The following SORCS1 variants were observed in gnomAD, a reference collection of about 807,000 sequenced individuals.
The protein encoded by SORCS1 is sortilin related VPS10 domain containing receptor 1, also known as VPS10 domain-containing receptor SorCS1.
A neutral mutation model predicts 146.1 loss-of-function variants in SORCS1; 60 were observed. The ratio of observed to expected loss-of-function variants is 0.41; its 90% CI spans 0.33 to 0.51. SORCS1 has a LOEUF of 0.51. Among genes scored for constraint, SORCS1 ranks in the 20% least tolerant of loss-of-function variants. The probability of loss-of-function intolerance (pLI) is 0.21; values close to 1 mark genes in which losing one functional copy is unlikely to be tolerated. For missense variants in SORCS1, 1,352 were observed against 1,487.6 expected, an observed-to-expected ratio of 0.91 and a Z score of 1.50; for synonymous variants, 637 against 584.0, an observed-to-expected ratio of 1.09 and a Z score of -1.31.
At chr10:107,164,997 C>T (rs1970002654), upstream of SORCS1, among the ~76,000 whole-genome samples, 1 of 151,316 alleles carries the variant, frequency 6.6e-6, no homozygotes. This position sits in a 1 kb window ranked among gnomAD's most constrained non-coding sequence, Gnocchi z 6.8. Flanking sequence ...GTCCGCGCAC[C>T]CTGCCCGCGG....
At chr10:107,030,076 C>T (rs940069790) in intron 1 of SORCS1, among the ~76,000 whole-genome samples, 6 of 152,052 alleles carry the variant, frequency 3.9e-5, no homozygotes, top group African/African-American at 7.2e-5. Context: ...GTATTTTAAC[C>T]GTTTTTCTAC....
intron 1 of SORCS1, among the ~76,000 whole-genome samples, chr10:107,059,176 C>G (rs1039096727): frequency 6.6e-6 from 1 of 152,102 alleles, no homozygotes; most frequent in Non-Finnish European, 1.5e-5. Flanking sequence ...TGTTTTCTCA[C>G]TAGAACCTAG....
Position 106,667,782 on chromosome 10 carries a change from T to G in SORCS1, c.2210A>C (p.His737Pro). ...DFDCDYGYER[H>P]SNGQCLPAFW... Reference sequence around the variant, plus strand: ...TGCCGGCAGGCACTGGCCATTGCTGTGTCGCTCATAACCATAGTCGCTGTT... The same window carrying G: ...TGCCGGCAGGCACTGGCCATTGCTGGGTCGCTCATAACCATAGTCGCTGTT... Residue 737 changes from histidine (H) to proline (P), a missense_variant, in exon 17 of 26, where the codon CAC (histidine) becomes CCC (proline). Coordinates refer to ENST00000263054, the MANE Select transcript of SORCS1 (RefSeq NM_052918.5). 2 of 1,614,010 alleles carry G rather than the reference T, an allele frequency of 1.2e-6. No homozygotes were observed. Among genetic ancestry groups the G allele is most frequent in the Non-Finnish European group, 1.7e-6 (2 of 1,179,974 alleles).
At chr10:107,160,030 T>TGAAGATGAAGAGGTGGGTGGATGA (rs1969584531) in intron 1 of SORCS1, among the ~76,000 whole-genome samples, 1 of 152,194 alleles carries the variant, frequency 6.6e-6, no homozygotes, top group Non-Finnish European at 1.5e-5. Flanking sequence ...CATGTCTCAC[T>TGAAGATGAAGAGGTGGGTGGATGA]GAAGATGAAG....
At chr10:106,618,910 C>T (rs934704109) in intron 20 of SORCS1, among the ~76,000 whole-genome samples, 3 of 152,048 alleles carry the variant, frequency 2.0e-5, no homozygotes, top group South Asian at 2.1e-4. Context: ...AAAAATTTGG[C>T]GTGGTGCCTG....
At chr10:106,637,368 G>T (rs1249053435) in intron 18 of SORCS1, among the ~76,000 whole-genome samples, 1 of 151,940 alleles carries the variant, frequency 6.6e-6, no homozygotes, top group Non-Finnish European at 1.5e-5. Flanking sequence ...ATGCTGTATA[G>T]GTGTTTCTTC....
At chr10:106,582,823 A>C (rs938064826) in intron 24 of SORCS1, among the ~76,000 whole-genome samples, 5 of 152,194 alleles carry the variant, frequency 3.3e-5, no homozygotes, top group Non-Finnish European at 5.9e-5. Context: ...AAATGCATTG[A>C]ATTTTTATAT....
intron 5 of SORCS1, among the ~76,000 whole-genome samples, chr10:106,749,007 C>T (rs1445656693): frequency 6.6e-6 from 1 of 152,138 alleles, no homozygotes; most frequent in African/African-American, 2.4e-5. Context: ...ACAGAAATGC[C>T]ATCATGCTAG....
chr10:107,053,970 T>C (rs1467682748), intron 1 of SORCS1, among the ~76,000 whole-genome samples: 2 of 152,110 alleles, frequency 1.3e-5, no homozygotes, highest in African/African-American at 4.8e-5. Context: ...TTTAGAATCC[T>C]CTATGGGAAT....
upstream of SORCS1, among the ~76,000 whole-genome samples, chr10:107,168,620 C>A (rs911678081): frequency 6.7e-6 from 1 of 149,164 alleles, no homozygotes; most frequent in African/African-American, 2.5e-5. Context: ...GATATATACT[C>A]TATGCCAGAA....
intron 1 of SORCS1, among the ~76,000 whole-genome samples, chr10:106,990,435 A>T (rs1166954316): frequency 6.6e-6 from 1 of 151,814 alleles, no homozygotes; most frequent in Non-Finnish European, 1.5e-5. Flanking sequence ...ACACCTGGCT[A>T]TTTTTTGTAT....
chr10:107,123,550 A>C (rs1966525295), intron 1 of SORCS1, among the ~76,000 whole-genome samples: 1 of 152,236 alleles, frequency 6.6e-6, no homozygotes, highest in Non-Finnish European at 1.5e-5. Flanking sequence ...CTGCAAATAT[A>C]AACAAGAAAC....
At chr10:106,818,742 C>T (rs1947868378) in intron 3 of SORCS1, among the ~76,000 whole-genome samples, 1 of 152,178 alleles carries the variant, frequency 6.6e-6, no homozygotes, top group South Asian at 2.1e-4. Flanking sequence ...TCATTTAAAT[C>T]TGAAAACTAC....
At chr10:107,155,108 G>A (rs1428904076) in intron 1 of SORCS1, among the ~76,000 whole-genome samples, 3 of 152,134 alleles carry the variant, frequency 2.0e-5, no homozygotes, top group Non-Finnish European at 2.9e-5. Context: ...TACATTGAAT[G>A]ACAGAAATTT....
chr10:107,061,011 TA>T (rs1179989498), intron 1 of SORCS1, among the ~76,000 whole-genome samples: 1 of 152,124 alleles, frequency 6.6e-6, no homozygotes, highest in Non-Finnish European at 1.5e-5. Flanking sequence ...TATCTATGAG[TA>T]AAAAATAACA....
intron 2 of SORCS1, among the ~76,000 whole-genome samples, chr10:106,878,226 GC>G (rs879834008): frequency 1.5e-3 from 220 of 149,768 alleles, no homozygotes; most frequent in Non-Finnish European, 2.5e-3. Context: ...CTGTTTCTCA[GC>G]TGGGGTACCA....
chr10:106,615,594 G>A (rs1274015954), intron 21 of SORCS1, among the ~76,000 whole-genome samples: 4 of 152,022 alleles, frequency 2.6e-5, no homozygotes, highest in South Asian at 2.1e-4. Flanking sequence ...AGGGAGGATC[G>A]CTTGAGGCCA....
intron 4 of SORCS1, 95 bp from the exon 5 acceptor site, chr10:106,761,756 C>A (rs1244888214): frequency 3.8e-6 from 4 of 1,046,490 alleles, no homozygotes; most frequent in Non-Finnish European, 5.8e-6. Flanking sequence ...ATAATAATAC[C>A]CAACATTTAC....
At chr10:106,710,896 C>T (rs1236374967) in intron 6 of SORCS1, among the ~76,000 whole-genome samples, 2 of 152,174 alleles carry the variant, frequency 1.3e-5, no homozygotes, top group Admixed American at 6.5e-5. Flanking sequence ...AAATGCTTCT[C>T]CCCAGGCTGT....
Sources: allele counts gnomAD v4.1 joint callset (sites outside exome capture counted in the v4.1 genomes callset), GRCh38; gene constraint gnomAD v4.1.1; non-coding constraint Gnocchi (gnomAD v3.1); transcripts MANE v1.5; gene names NCBI Gene and HGNC (gene_info 2026-07-23, HGNC 2026-07-21).